The following TNKS1BP1 variants were observed in gnomAD, a reference collection of about 807,000 sequenced individuals.
TNKS1BP1 encodes 182 kDa tankyrase-1-binding protein.
A neutral mutation model predicts 141.1 loss-of-function variants in TNKS1BP1; 48 were observed. The observed-to-expected ratio is 0.34, with a 90% CI of 0.27 to 0.43. The LOEUF is 0.43. Ranked by LOEUF, TNKS1BP1 falls within the 20% of genes least tolerant of loss-of-function variation. The pLI, the probability that TNKS1BP1 is intolerant of heterozygous loss-of-function variation, is 1.00. For synonymous variants in TNKS1BP1, 875 were observed against 898.2 expected (o/e 0.97, Z 0.46); for missense variants, 2,149 against 2,226.0 (o/e 0.97, Z 0.70).
Position 57,301,897 on chromosome 11 carries a change from C to T in TNKS1BP1, c.4881G>A (p.Glu1627=), listed in dbSNP as rs750957137. ...RVPSSDEEVV[E]EPQSRRTRMS... ...TCCGTGTCCGGCGGCTCTGAGGTTC[C>T]TCCACTACCTCTTCATCTGAAGATG... The change falls in exon 9 of 12, where the codon GAG becomes GAA. Residue 1627 remains glutamate (E), a synonymous_variant. Transcript: ENST00000358252. The T allele has an allele frequency of 6.2e-7, 1 of 1,614,138 alleles. No individual in the cohort carries two copies. The highest frequency in any genetic ancestry group is 8.5e-7 in the Non-Finnish European group (1 of 1,180,036).
At chr11:57,318,750 C>A (rs556738402) in intron 3 of TNKS1BP1, among the ~76,000 whole-genome samples, 348 of 152,350 alleles carry the variant, frequency 2.3e-3, no homozygotes, top group African/African-American at 7.6e-3. Flanking sequence ...TCCTGGCCAG[C>A]CTTGCTTTAC....
intron 1 of TNKS1BP1, among the ~76,000 whole-genome samples, chr11:57,323,022 C>T (rs1855911499): frequency 6.6e-6 from 1 of 152,182 alleles, no homozygotes; most frequent in South Asian, 2.1e-4. Flanking sequence ...GTGACTTCTC[C>T]AAGCCTCAGT....
intron 1 of TNKS1BP1, among the ~76,000 whole-genome samples, chr11:57,323,041 C>A (rs1192654942): frequency 1.3e-5 from 2 of 152,154 alleles, no homozygotes; most frequent in East Asian, 1.9e-4. Context: ...GTTTCTCCAA[C>A]TGAAAAATGG....
Position 57,306,874 on chromosome 11 carries a change from C to G in TNKS1BP1, c.4316+1521G>C, listed in dbSNP as rs901404623. ...TCCACTTCTTAAGAGCCACCCCACA[C>G]AGAACGGAAAGGCAGAGAGCTGTGG... On this transcript the variant is annotated intron_variant, in intron 6 of 11. Transcript: ENST00000358252. 1.1e-4 allele frequency among the ~76,000 whole-genome samples: 13 copies of G among 121,966 alleles called. No homozygotes were observed. In the Admixed American group the frequency reaches 1.1e-3, roughly 10 times the overall value. The allele number at this position is 121,966 out of a possible 152,430, so 80.0% of individuals were successfully genotyped here. A position where few individuals can be genotyped will look rare whatever the true frequency, so the allele number is the denominator to read the frequency against.
In TNKS1BP1 at chr11:57,302,554, C is replaced by G. The variant is rs1855542447; in HGVS notation, c.4588G>C (p.Ala1530Pro). 2.5e-6 allele frequency: 4 copies of G among 1,613,158 alleles called. No homozygotes were observed. The highest frequency in any genetic ancestry group is 3.4e-6 in the Non-Finnish European group (4 of 1,179,910). ...DVDGTWGSSA[A>P]RWSDQGPAQT... The stretch of plus-strand genomic sequence containing the variant: ...GCTGGCCCCTGATCGCTCCACCTGG[C>G]TGCTGAAGAGCCCCAGGTGCCATCC... The change falls in exon 7 of 12, where the codon GCC (alanine) becomes CCC (proline). Residue 1530 changes from alanine to proline, a missense_variant. Ala to Pro is a conservative substitution (Grantham distance 27, BLOSUM62 -1). Transcript: ENST00000358252. The surrounding 1 kb of genome is among the most constrained non-coding windows in gnomAD (Gnocchi z 5.5).
chr11:57,322,095 T>A, intron 1 of TNKS1BP1, 145 bp from the exon 2 acceptor site: 1 of 894,468 alleles, frequency 1.1e-6, no homozygotes, highest in Non-Finnish European at 1.6e-6. Context: ...TAGGAGGAGG[T>A]CAAGGGAGGT....
intron 6 of TNKS1BP1, among the ~76,000 whole-genome samples, chr11:57,303,871 A>G (rs1855568015): frequency 6.6e-6 from 1 of 152,060 alleles, no homozygotes; most frequent in Non-Finnish European, 1.5e-5. Flanking sequence ...GCAACATAGC[A>G]AGACCCCATC....
Position 57,312,539 on chromosome 11 carries a change from A to G in TNKS1BP1, c.2149T>C (p.Ser717Pro), listed in dbSNP as rs144869738. 2 of 1,488,022 alleles carry G rather than the reference A, an allele frequency of 1.3e-6. No individual in the cohort carries two copies. Among genetic ancestry groups the G allele is most frequent in the African/African-American group, 1.4e-5 (1 of 71,010 alleles). The allele number at this position is 1,488,022 out of a possible 1,614,324, so 92.2% of individuals were successfully genotyped here. ...LKDTQSPSTC[S>P]EGLLGWSQKD... The stretch of plus-strand genomic sequence containing the variant: ...CTCCCTATGCCCATTCTCACCTCAG[A>G]GCAGGTACTTGGGGACTGTGTGTCC... Residue 717 changes from serine to proline, a missense_variant, in exon 5 of 12, where the codon TCT becomes CCT. Ser to Pro is a moderately conservative substitution (Grantham distance 74, BLOSUM62 -1). Transcript: ENST00000358252.
chr11:57,302,850 G>C lies in TNKS1BP1; in HGVS notation c.4317-25C>G. ...GCTGTAAAGGGGACAGAGAGAGAAC[G>C]AGATCATCGTAAGGCCCCATCTCCC... On this transcript the variant is annotated intron_variant, in intron 6 of 11. Coordinates refer to ENST00000358252, the MANE Select transcript of TNKS1BP1 (RefSeq NM_033396.3). This position sits in a 1 kb window ranked among gnomAD's most constrained non-coding sequence, Gnocchi z 5.5. 1 of 1,494,452 alleles carries C rather than the reference G, an allele frequency of 6.7e-7. No homozygotes were observed. Among genetic ancestry groups the C allele is most frequent in the Admixed American group, 2.2e-5 (1 of 45,038 alleles). 92.6% of individuals were successfully genotyped at this position (1,494,452 alleles called of 1,614,324 possible).
intron 3 of TNKS1BP1, among the ~76,000 whole-genome samples, chr11:57,318,309 G>C (rs770366408): frequency 1.3e-5 from 2 of 152,240 alleles, no homozygotes; most frequent in African/African-American, 2.4e-5. Context: ...GAAGAGGAAA[G>C]AGTGATTTTC....
chr11:57,319,725 C>A (rs1055182544), intron 3 of TNKS1BP1, among the ~76,000 whole-genome samples: 5 of 150,254 alleles, frequency 3.3e-5, no homozygotes, highest in Non-Finnish European at 7.4e-5. Context: ...CGAGATCGCA[C>A]CACTGCACTC....
intron 6 of TNKS1BP1, among the ~76,000 whole-genome samples, chr11:57,306,040 G>A (rs746966899): frequency 1.9e-4 from 29 of 152,136 alleles, no homozygotes; most frequent in Admixed American, 8.5e-4. Flanking sequence ...TTGGGAGGCC[G>A]AGGTGGGTGG....
intron 11 of TNKS1BP1, among the ~76,000 whole-genome samples, 170 bp from the exon 12 acceptor site, chr11:57,300,251 G>C (rs1328699827): frequency 2.0e-5 from 3 of 152,220 alleles, no homozygotes; most frequent in Non-Finnish European, 4.4e-5. Context: ...CGTCCAGCCA[G>C]GGAGCATGGG....
In TNKS1BP1 at chr11:57,308,665, G is replaced by A. The variant is rs143761660; in HGVS notation, c.4046C>T (p.Ala1349Val). ...VGQMDWTQDL[A>V]PQNVELFGAP... The stretch of plus-strand genomic sequence containing the variant: ...CCCAAAGAGCTCCACATTCTGGGGC[G>A]CCAAGTCCTGGGTCCAGTCCATCTG... The change falls in exon 6 of 12, where the codon GCG becomes GTG. Residue 1349 changes from alanine to valine, a missense_variant. Coordinates refer to ENST00000358252, the MANE Select transcript of TNKS1BP1 (RefSeq NM_033396.3). 1,012 of 1,612,628 alleles carry A rather than the reference G, an allele frequency of 6.3e-4. No individual in the cohort carries two copies. Among genetic ancestry groups the A allele is most frequent in the Non-Finnish European group, 7.9e-4 (938 of 1,179,972 alleles).
chr11:57,324,472 G>A (rs1372013584), intron 1 of TNKS1BP1, among the ~76,000 whole-genome samples: 2 of 151,540 alleles, frequency 1.3e-5, no homozygotes, highest in Non-Finnish European at 3.0e-5. Flanking sequence ...GGGGTGGCTG[G>A]GGGCGTGCCG....
In TNKS1BP1 at chr11:57,308,599, C is replaced by G; in HGVS notation, c.4112G>C (p.Ser1371Thr). Residue 1371 changes from serine to threonine, a missense_variant, in exon 6 of 12, where the codon AGC becomes ACC. Coordinates refer to ENST00000358252, the MANE Select transcript of TNKS1BP1 (RefSeq NM_033396.3). ...EAREHGVGGV[S>T]QCPEPGLRHN... ...CCTCAGGCCGGGCTCTGGGCACTGG[C>G]TCACCCCGCCCACCCCATGCTCCCT... 6.2e-7 allele frequency: 1 copy of G among 1,614,010 alleles called. No individual in the cohort carries two copies. The highest frequency in any genetic ancestry group is 8.5e-7 in the Non-Finnish European group (1 of 1,179,982).
At position 57,308,835 on chromosome 11, in the gene TNKS1BP1, T is replaced by C. The variant is rs752168673; in HGVS notation, c.3876A>G (p.Pro1292=). Residue 1292 remains proline, a synonymous_variant, in exon 6 of 12, where the codon CCA becomes CCG. Coordinates refer to ENST00000358252, the MANE Select transcript of TNKS1BP1 (RefSeq NM_033396.3). ...ACTCTCCAGGACTGCAGACTGCCCC[T>C]GGGGCCATGTTTCTCAGCCCAAGGT... The part of the protein sequence containing the change: ...TPDLGLRNMA[P]GAVCSPGESK... 8 of 1,614,052 alleles carry C rather than the reference T, an allele frequency of 5.0e-6. No individual in the cohort carries two copies. The Admixed American group carries it at 1.3e-4, about 27-fold the overall frequency.
At position 57,321,712 on chromosome 11, in the gene TNKS1BP1, C is replaced by T. The variant is rs1026648629; in HGVS notation, c.94+80G>A. 4 of 1,530,446 alleles carry T rather than the reference C, an allele frequency of 2.6e-6. No individual in the cohort carries two copies. The East Asian group carries it at 6.9e-5, about 26-fold the overall frequency. The allele number at this position is 1,530,446 out of a possible 1,614,324, so 94.8% of individuals were successfully genotyped here. A position where few individuals can be genotyped will look rare whatever the true frequency, so the allele number is the denominator to read the frequency against. On this transcript the variant is annotated intron_variant, in intron 2 of 11. Coordinates refer to ENST00000358252, the MANE Select transcript of TNKS1BP1 (RefSeq NM_033396.3). ...AACAGAATCATCACTCAACCACCCCCCAAGACAGAAAGAGGGGGCAGCCTC... is the reference window on the plus strand; with the variant it reads ...AACAGAATCATCACTCAACCACCCCTCAAGACAGAAAGAGGGGGCAGCCTC...
chr11:57,318,405 A>C (rs1855829505), intron 3 of TNKS1BP1, among the ~76,000 whole-genome samples: 1 of 152,160 alleles, frequency 6.6e-6, no homozygotes. Flanking sequence ...CAAGAGTGTG[A>C]CCTCACAGCA....
Sources: gnomAD v4.1 joint callset for allele counts (sites outside exome capture counted in the v4.1 genomes callset) on GRCh38, gnomAD v4.1.1 for gene constraint, Gnocchi (gnomAD v3.1) non-coding constraint, MANE v1.5 for transcripts, NCBI Gene and HGNC (gene_info 2026-07-23, HGNC 2026-07-21) for gene names.